ERN1: variants seen among roughly 807,000 people sequenced by gnomAD.
ERN1 encodes serine/threonine-protein kinase/endoribonuclease IRE1.
ERN1 carries 39 observed loss-of-function variants against 113.1 expected under a neutral mutation model. That is an observed-to-expected ratio of 0.34 (90% confidence interval 0.27 to 0.45). ERN1 has a LOEUF of 0.45. ERN1 is among the 20% of genes least tolerant of loss of function. The pLI, the probability that ERN1 is intolerant of heterozygous loss-of-function variation, is 1.00. For missense variants in ERN1, 976 were observed against 1,274.8 expected (o/e 0.77, Z 3.57); for synonymous variants, 507 against 515.9 (o/e 0.98, Z 0.23).
chr17:64,066,608 C>A (rs1308863284), intron 8 of ERN1, 63 bp downstream of exon 8: 1 of 1,591,370 alleles, frequency 6.3e-7, no homozygotes, highest in East Asian at 2.2e-5. Context: ...GCCTGCTACA[C>A]TGCAACAGCA....
At chr17:64,072,725 ACAGG>A (rs1302050682) in intron 5 of ERN1, among the ~76,000 whole-genome samples, 5 of 152,252 alleles carry the variant, frequency 3.3e-5, no homozygotes, top group African/African-American at 1.2e-4. Context: ...GCTGATTATG[ACAGG>A]CAGACAGCAC....
At chr17:64,065,728 G>A (rs1913202506) in intron 8 of ERN1, among the ~76,000 whole-genome samples, 1 of 152,066 alleles carries the variant, frequency 6.6e-6, no homozygotes, top group African/African-American at 2.4e-5. Flanking sequence ...GGATCCTGGA[G>A]GTTTTACAGA....
intron 2 of ERN1, among the ~76,000 whole-genome samples, chr17:64,093,281 C>T (rs774047205): frequency 1.1e-4 from 16 of 152,184 alleles, no homozygotes; most frequent in Non-Finnish European, 1.8e-4. Context: ...AAGTTTATTC[C>T]ATTCAGCTCT....
In ERN1 at chr17:64,044,195, G is replaced by A. The variant is rs1434025777; in HGVS notation, c.2727C>T (p.His909=). The change falls in exon 22 of 22, where the codon CAC becomes CAT. Residue 909 remains histidine (H), a synonymous_variant. Transcript: ENST00000433197. This position sits in a 1 kb window ranked among gnomAD's most constrained non-coding sequence, Gnocchi z 4.1. The stretch of plus-strand genomic sequence containing the variant: ...CCTCTGCAGGCAGCTCCCGGTAGTG[G>A]TGCTTCTGCAAAGAGTTAGAAAGCT... The part of the protein sequence containing the change: ...DLLRAMRNKK[H]HYRELPAEVR... 12 of 1,536,946 alleles carry A rather than the reference G, an allele frequency of 7.8e-6. No homozygotes were observed. Among genetic ancestry groups the A allele is most frequent in the South Asian group, 7.5e-5 (6 of 80,126 alleles).
chr17:64,110,978 T>C (rs1224569527), intron 1 of ERN1, among the ~76,000 whole-genome samples: 1 of 151,924 alleles, frequency 6.6e-6, no homozygotes, highest in South Asian at 2.1e-4. Flanking sequence ...TATCAAGTGG[T>C]CGGCAGGAAA....
intron 1 of ERN1, among the ~76,000 whole-genome samples, chr17:64,119,387 T>TTG (rs1914896006): frequency 7.3e-6 from 1 of 137,240 alleles, no homozygotes; most frequent in African/African-American, 2.8e-5. Flanking sequence ...TTTTTTTTTT[T>TTG]TTTTTTTTTT....
At chr17:64,076,755 G>A (rs1450831556) in intron 4 of ERN1, among the ~76,000 whole-genome samples, 1 of 152,116 alleles carries the variant, frequency 6.6e-6, no homozygotes, top group Non-Finnish European at 1.5e-5. Flanking sequence ...GCCCGCCACT[G>A]CGCCTGGCTA....
intron 1 of ERN1, among the ~76,000 whole-genome samples, chr17:64,104,656 T>TA (rs1300986617): frequency 6.6e-6 from 1 of 151,992 alleles, no homozygotes; most frequent in Admixed American, 6.6e-5. Flanking sequence ...CTGTCTCTAC[T>TA]AAAAATACAA....
rs982138236 is a variant in ERN1, at chr17:64,052,850, C to T, written c.2183G>A (p.Arg728Gln). The T allele has an allele frequency of 4.3e-6, 7 of 1,613,926 alleles. No individual in the cohort carries two copies. The highest frequency in any genetic ancestry group is 1.3e-5 in the African/African-American group (1 of 74,938). Reference protein sequence around the residue: ...LAVGRHSFSRRSGVPGTEGWI... With the variant: ...LAVGRHSFSRQSGVPGTEGWI... ...GCCTTCTGTGCCAGGCACCCCAGAT[C>T]GGCGGCTGAAACTGTGTCTGCCCAC... Residue 728 changes from arginine to glutamine, a missense_variant, in exon 17 of 22, where the codon CGA (arginine) becomes CAA (glutamine). Arg to Gln is a conservative substitution (Grantham distance 43). Around this residue, in one of 5 missense-constraint regions of ERN1, gnomAD observed 297 missense variants for 457.8 expected, o/e 0.65. Coordinates refer to ENST00000433197, the MANE Select transcript of ERN1 (RefSeq NM_001433.5).
chr17:64,061,584 A>T (rs141687470), intron 10 of ERN1, among the ~76,000 whole-genome samples: 1 of 152,182 alleles, frequency 6.6e-6, no homozygotes. Context: ...CTACAACATA[A>T]TATCATTCTT....
intron 1 of ERN1, among the ~76,000 whole-genome samples, chr17:64,121,394 T>C (rs1914950918): frequency 6.6e-6 from 1 of 152,200 alleles, no homozygotes; most frequent in East Asian, 1.9e-4. Context: ...TTCAGACATA[T>C]GACTAGGCGA....
Position 64,054,888 on chromosome 17 carries a change from GT to G in ERN1, c.1673-61del. The G allele has an allele frequency of 7.9e-7, 1 of 1,273,872 alleles. No individual in the cohort carries two copies. Among genetic ancestry groups the G allele is most frequent in the South Asian group, 1.3e-5 (1 of 76,112 alleles). 78.9% of individuals were successfully genotyped at this position (1,273,872 alleles called of 1,614,324 possible). A position where few individuals can be genotyped will look rare whatever the true frequency, so the allele number is the denominator to read the frequency against. On this transcript the variant is annotated intron_variant, in intron 13 of 21. Transcript: ENST00000433197. This position sits in a 1 kb window ranked among gnomAD's most constrained non-coding sequence, Gnocchi z 4.9. ...CAGATATCACCTAAAGAACCTTGAGGTTAACATAGTGACAAGCTTCCTGACC... is the reference window on the plus strand; with the variant it reads ...CAGATATCACCTAAAGAACCTTGAGGTAACATAGTGACAAGCTTCCTGACC...
At chr17:64,117,303 C>T (rs1455281942) in intron 1 of ERN1, among the ~76,000 whole-genome samples, 2 of 148,242 alleles carry the variant, frequency 1.3e-5, no homozygotes, top group African/African-American at 2.5e-5. Flanking sequence ...ATTAGCTGGG[C>T]GTATTGGCAC....
chr17:64,046,320 T>C (rs1310673837), intron 19 of ERN1, among the ~76,000 whole-genome samples: 2 of 152,232 alleles, frequency 1.3e-5, no homozygotes, highest in African/African-American at 4.8e-5. Flanking sequence ...GCTGCAAAGC[T>C]GTTACGGCTA....
intron 2 of ERN1, among the ~76,000 whole-genome samples, chr17:64,095,213 G>A (rs771726143): frequency 6.6e-6 from 1 of 152,134 alleles, no homozygotes; most frequent in Non-Finnish European, 1.5e-5. Flanking sequence ...CAGATCACTT[G>A]AGGCCAGGAG....
rs1229493660 is a variant in ERN1 at position 64,044,299 on chromosome 17, G to A, written c.2722-99C>T. 9 of 823,542 alleles carry A rather than the reference G, an allele frequency of 1.1e-5. No homozygotes were observed. Among genetic ancestry groups the A allele is most frequent in the South Asian group, 4.7e-5 (2 of 42,548 alleles). The allele number at this position is 823,542 out of a possible 1,614,324, so 51.0% of individuals were successfully genotyped here. A position where few individuals can be genotyped will look rare whatever the true frequency, so the allele number is the denominator to read the frequency against. On this transcript the variant is annotated intron_variant, in intron 21 of 21. Transcript: ENST00000433197. The surrounding 1 kb of genome is among the most constrained non-coding windows in gnomAD (Gnocchi z 4.1). ...TCATCATGCAAGGAAGAGACAGAAT[G>A]TGAGTGTTGGTTTTTGGTAAAGAAA...
rs1567858767 is a variant in ERN1 at position 64,044,010 on chromosome 17, GGGGGCT to G, written c.2906_2911del (p.Gln969_Pro970del). The G allele has an allele frequency of 6.2e-7, 1 of 1,611,902 alleles. No individual in the cohort carries two copies. On this transcript the variant is annotated inframe_deletion, in exon 22 of 22. Transcript: ENST00000433197. The surrounding 1 kb of genome is among the most constrained non-coding windows in gnomAD (Gnocchi z 4.1). ...CGCTCAGAGGGCGTCTGGAGTCACT[GGGGGCT>G]GGGGCTCTGGGGGCTCGTGGAAGTA...
At position 64,043,710 on chromosome 17, in the gene ERN1, G is replaced by A; in HGVS notation, c.*278C>T. 1 of 350,880 alleles carries A rather than the reference G, an allele frequency of 2.8e-6. No homozygotes were observed. Among genetic ancestry groups the A allele is most frequent in the Non-Finnish European group, 5.1e-6 (1 of 195,332 alleles). The allele number at this position is 350,880 out of a possible 1,614,324, so 21.7% of individuals were successfully genotyped here. On this transcript the variant is annotated 3_prime_UTR_variant, in exon 22 of 22. Transcript: ENST00000433197. ...AAGTTTATCCAGTAGATGGCTGGGG[G>A]TGCTACTCGCGCTGTCTCTGAGGCC...
intron 2 of ERN1, among the ~76,000 whole-genome samples, chr17:64,081,589 T>A (rs1162478146): frequency 6.6e-6 from 1 of 152,198 alleles, no homozygotes; most frequent in South Asian, 2.1e-4. Context: ...TTAATGCAAC[T>A]ATGGGGAAAG....
Sources: gnomAD v4.1 joint callset for allele counts (sites outside exome capture counted in the v4.1 genomes callset) on GRCh38, gnomAD v4.1.1 for gene constraint, gnomAD v4.1.1 regional missense constraint, Gnocchi (gnomAD v3.1) non-coding constraint, MANE v1.5 for transcripts, NCBI Gene and HGNC (gene_info 2026-07-23, HGNC 2026-07-21) for gene names.